C8orf74: variants seen among roughly 807,000 people sequenced by gnomAD.
The protein encoded by C8orf74 is chromosome 8 open reading frame 74.
C8orf74 carries 29 observed loss-of-function variants against 22.2 expected under a neutral mutation model. The observed-to-expected ratio is 1.31, with a 90% CI of 0.97 to 1.78. The LOEUF is 1.78. Ranked by LOEUF, C8orf74 falls within the 40% of genes most tolerant of loss-of-function variation. The probability of loss-of-function intolerance (pLI) is 0.00; values close to 1 mark genes in which losing one functional copy is unlikely to be tolerated. For synonymous variants in C8orf74, 255 were observed against 163.1 expected, an observed-to-expected ratio of 1.56 and a Z score of -4.30; for missense variants, 515 against 369.9, an observed-to-expected ratio of 1.39 and a Z score of -3.22.
chr8:10,695,229 C>A (rs139006309), intron 2 of C8orf74, among the ~76,000 whole-genome samples: 51 of 152,102 alleles, frequency 3.4e-4, no homozygotes, highest in African/African-American at 1.1e-3. Context: ...TTCCAACAAG[C>A]CTGTGAAGTC....
At chr8:10,691,037 G>A in intron 2 of C8orf74, 1 of 429,094 alleles carries the variant, frequency 2.3e-6, no homozygotes, top group South Asian at 1.6e-5. Context: ...TGAGTCACCA[G>A]GAACTTCTCA....
At chr8:10,684,304 C>G (rs1419921870) in intron 2 of C8orf74, among the ~76,000 whole-genome samples, 1 of 152,198 alleles carries the variant, frequency 6.6e-6, no homozygotes, top group Non-Finnish European at 1.5e-5. Flanking sequence ...TCTGCCAAAG[C>G]TCTTTCACAT....
At position 10,697,676 on chromosome 8, in the gene C8orf74, C is replaced by T; in HGVS notation, c.319C>T (p.Leu107=). Residue 107 remains leucine, a synonymous_variant, in exon 3 of 4, where the codon CTG becomes TTG. Transcript: ENST00000304519. The stretch of plus-strand genomic sequence containing the variant: ...CCGGGGCCATTTCAACACCACCCAC[C>T]TGCTGGCCCTCTGTGACTACTTCCA... ...DYRGHFNTTH[L]LALCDYFHHT... 1 of 1,614,020 alleles carries T rather than the reference C, an allele frequency of 6.2e-7. No individual in the cohort carries two copies. The highest frequency in any genetic ancestry group is 8.5e-7 in the Non-Finnish European group (1 of 1,179,878).
At chr8:10,692,695 G>C (rs144763334) in intron 2 of C8orf74, 1 of 151,724 alleles carries the variant, frequency 6.6e-6, no homozygotes, top group African/African-American at 2.4e-5. Flanking sequence ...ATAGTGTTCG[G>C]GTCTTTCTAT....
chr8:10,674,902 T>G, intron 2 of C8orf74, 64 bp downstream of exon 2: 1 of 1,345,830 alleles, frequency 7.4e-7, no homozygotes, highest in Non-Finnish European at 1.0e-6. Context: ...CACATAGAAC[T>G]CCCCTGCCGT....
chr8:10,697,846 C>A lies in C8orf74; in HGVS notation c.489C>A (p.Ile163=). ...AGGGCATGGACAGGGACTTGTGGAT[C>A]CACGAGCAGCAGGTGGCCACACTGA... ...LAEGMDRDLW[I]HEQQVATLTE... is the part of the protein sequence containing the mutation. Residue 163 remains isoleucine (I), a synonymous_variant, in exon 3 of 4, where the codon ATC becomes ATA. Coordinates refer to ENST00000304519, the MANE Select transcript of C8orf74 (RefSeq NM_001040032.2). The A allele has an allele frequency of 6.2e-7, 1 of 1,613,550 alleles. No individual in the cohort carries two copies. Among genetic ancestry groups the A allele is most frequent in the Non-Finnish European group, 8.5e-7 (1 of 1,179,702 alleles).
At chr8:10,684,906 A>T (rs776893033) in intron 2 of C8orf74, among the ~76,000 whole-genome samples, 1 of 152,178 alleles carries the variant, frequency 6.6e-6, no homozygotes, top group Non-Finnish European at 1.5e-5. Flanking sequence ...GAACGCTGAG[A>T]TACGTCGACG....
At chr8:10,687,903 T>C (rs1023600543) in intron 2 of C8orf74, among the ~76,000 whole-genome samples, 4 of 152,016 alleles carry the variant, frequency 2.6e-5, no homozygotes, top group African/African-American at 4.8e-5. Context: ...GAAAGTAGAA[T>C]TAAAACATTA....
At chr8:10,697,381 G>C (rs1799542643) in intron 2 of C8orf74, among the ~76,000 whole-genome samples, 2 of 152,212 alleles carry the variant, frequency 1.3e-5, no homozygotes, top group Admixed American at 6.5e-5. Flanking sequence ...GCTGCAGCGA[G>C]CTGCAGCTGC....
intron 2 of C8orf74, chr8:10,692,816 T>G (rs1364686118): frequency 6.6e-6 from 1 of 152,222 alleles, no homozygotes; most frequent in African/African-American, 2.4e-5. Flanking sequence ...TCTCTCCTTC[T>G]CTGCAGAGCA....
At chr8:10,684,718 C>G (rs183071971) in intron 2 of C8orf74, among the ~76,000 whole-genome samples, 151 of 152,314 alleles carry the variant, frequency 9.9e-4, no homozygotes, top group African/African-American at 3.5e-3. Flanking sequence ...TTTGTTCTTA[C>G]GTAGTTCTTA....
intron 2 of C8orf74, among the ~76,000 whole-genome samples, chr8:10,682,387 CA>C (rs1287759016): frequency 6.6e-6 from 1 of 152,202 alleles, no homozygotes. Context: ...GGTTCAACAA[CA>C]AACATTTATT....
intron 2 of C8orf74, chr8:10,693,109 C>G (rs1261857973): frequency 2.0e-5 from 3 of 152,482 alleles, no homozygotes; most frequent in Admixed American, 6.5e-5. Context: ...GCCTGGCCTA[C>G]CCAGCCTCAT....
At chr8:10,679,253 C>T (rs1167727286) in intron 2 of C8orf74, among the ~76,000 whole-genome samples, 1 of 152,106 alleles carries the variant, frequency 6.6e-6, no homozygotes, top group Non-Finnish European at 1.5e-5. Context: ...GCACTGGAGT[C>T]GGCCTTTATG....
At chr8:10,683,925 C>T (rs558720938) in intron 2 of C8orf74, among the ~76,000 whole-genome samples, 9 of 152,300 alleles carry the variant, frequency 5.9e-5, no homozygotes, top group Middle Eastern at 3.4e-3. Context: ...AGCCTTCCAC[C>T]GGCTGGCCCC....
At chr8:10,698,206 G>A (rs1799574178) in intron 3 of C8orf74, among the ~76,000 whole-genome samples, 1 of 152,216 alleles carries the variant, frequency 6.6e-6, no homozygotes, top group Non-Finnish European at 1.5e-5. Context: ...TGAGACGACT[G>A]AGGCGCAGAG....
chr8:10,687,201 G>C (rs929216520), intron 2 of C8orf74: 2 of 437,998 alleles, frequency 4.6e-6, no homozygotes, highest in Admixed American at 5.0e-5. Flanking sequence ...CAGGCACTGT[G>C]GAAAGCACCA....
chr8:10,690,759 G>A (rs377527403), intron 2 of C8orf74: 38 of 427,214 alleles, frequency 8.9e-5, no homozygotes, highest in South Asian at 3.8e-4. Context: ...GGTCCGAGCC[G>A]TTTCTGCCCT....
At chr8:10,680,082 G>T (rs540250759) in intron 2 of C8orf74, 2 of 152,430 alleles carry the variant, frequency 1.3e-5, no homozygotes, top group East Asian at 3.9e-4. Flanking sequence ...ACTAATAAAT[G>T]AGTCAATTCC....
Sources: allele counts gnomAD v4.1 joint callset (sites outside exome capture counted in the v4.1 genomes callset), GRCh38; gene constraint gnomAD v4.1.1; transcripts MANE v1.5; gene names NCBI Gene and HGNC (gene_info 2026-07-23, HGNC 2026-07-21).